The following SEMA3A variants were observed in gnomAD, a reference collection of about 807,000 sequenced individuals.
The protein encoded by SEMA3A is semaphorin-3A.
In SEMA3A, 29 loss-of-function variants were observed where a neutral mutation model predicts 97.9. The ratio of observed to expected loss-of-function variants is 0.30; its 90% CI spans 0.22 to 0.40. The LOEUF (loss-of-function observed/expected upper bound fraction) is 0.40. SEMA3A is among the 10% of genes least tolerant of loss of function. The probability of loss-of-function intolerance (pLI) is 1.00; values close to 1 mark genes in which losing one functional copy is unlikely to be tolerated. For missense variants in SEMA3A, 763 were observed against 951.3 expected (o/e 0.80, Z 2.60); for synonymous variants, 321 against 323.7 (o/e 0.99, Z 0.09).
chr7:84,111,113 C>T (rs1795264941), intron 3 of SEMA3A, among the ~76,000 whole-genome samples: 1 of 152,164 alleles, frequency 6.6e-6, no homozygotes, highest in African/African-American at 2.4e-5. Flanking sequence ...TGAGTATTCA[C>T]ATGGTAAATA....
intron 1 of SEMA3A, among the ~76,000 whole-genome samples, chr7:84,428,736 A>G (rs968228723): frequency 6.6e-6 from 1 of 152,094 alleles, no homozygotes; most frequent in Admixed American, 6.6e-5. Flanking sequence ...TTTATCAGTA[A>G]AAAGAAAAAC....
At chr7:84,220,658 C>A (rs537025686) in intron 3 of SEMA3A, among the ~76,000 whole-genome samples, 2 of 152,238 alleles carry the variant, frequency 1.3e-5, no homozygotes, top group South Asian at 4.1e-4. Context: ...TCCATCAAAG[C>A]TGTTGGGTAA....
At chr7:84,142,170 T>C (rs1796315629) in intron 1 of SEMA3A, among the ~76,000 whole-genome samples, 2 of 152,222 alleles carry the variant, frequency 1.3e-5, no homozygotes, top group South Asian at 4.1e-4. Flanking sequence ...AATCTAATTT[T>C]ATGATTCAGA....
chr7:84,165,375 A>T (rs909955001), intron 1 of SEMA3A, among the ~76,000 whole-genome samples: 1 of 152,192 alleles, frequency 6.6e-6, no homozygotes, highest in Non-Finnish European at 1.5e-5. Flanking sequence ...AAAAATCATT[A>T]TAACTATGTA....
At chr7:84,485,793 G>A (rs900178985) in intron 1 of SEMA3A, among the ~76,000 whole-genome samples, 7 of 152,278 alleles carry the variant, frequency 4.6e-5, no homozygotes, top group Admixed American at 2.6e-4. Flanking sequence ...GTTTAGTATT[G>A]TAGGGCTTAC....
At chr7:84,182,297 T>C (rs1166974339) in intron 1 of SEMA3A, among the ~76,000 whole-genome samples, 1 of 152,144 alleles carries the variant, frequency 6.6e-6, no homozygotes. Flanking sequence ...CAATACTCCT[T>C]AAGTTGTCAT....
chr7:84,237,267 G>A (rs2116370813), intron 3 of SEMA3A, among the ~76,000 whole-genome samples: 1 of 152,226 alleles, frequency 6.6e-6, no homozygotes, highest in Middle Eastern at 3.4e-3. Context: ...AGCAACCACA[G>A]TCTAACTTAT....
chr7:84,000,313 G>C (rs558739005), intron 12 of SEMA3A, among the ~76,000 whole-genome samples: 6 of 152,006 alleles, frequency 3.9e-5, no homozygotes, highest in Non-Finnish European at 8.8e-5. Context: ...TGATAAATTA[G>C]ATCACATTGA....
chr7:84,183,678 A>T (rs1797795621), intron 1 of SEMA3A, among the ~76,000 whole-genome samples: 1 of 152,216 alleles, frequency 6.6e-6, no homozygotes, highest in African/African-American at 2.4e-5. Flanking sequence ...ATATTTTTAA[A>T]TTTAATATAT....
chr7:84,143,950 AAC>A (rs796470836), intron 1 of SEMA3A, among the ~76,000 whole-genome samples: 16,412 of 94,430 alleles, frequency 0.17, 998 homozygotes, highest in Non-Finnish European at 0.21. Flanking sequence ...CTCTCTCTCT[AAC>A]ACACACACAC....
At chr7:84,307,810 T>C (rs1801198367) in intron 2 of SEMA3A, among the ~76,000 whole-genome samples, 2 of 152,126 alleles carry the variant, frequency 1.3e-5, no homozygotes, top group Non-Finnish European at 1.5e-5. Flanking sequence ...TTAAAGTAAA[T>C]AGAAATTTTA....
In SEMA3A at chr7:84,007,500, G is replaced by A; in HGVS notation, c.996-3C>T. 1 of 1,530,788 alleles carries A rather than the reference G, an allele frequency of 6.5e-7. No individual in the cohort carries two copies. The highest frequency in any genetic ancestry group is 2.0e-5 in the Admixed American group (1 of 50,468). The allele number at this position is 1,530,788 out of a possible 1,614,324, so 94.8% of individuals were successfully genotyped here. On this transcript the variant is annotated splice_polypyrimidine_tract_variant and splice_region_variant and intron_variant, in intron 9 of 16. Coordinates refer to ENST00000265362, the MANE Select transcript of SEMA3A (RefSeq NM_006080.3). ...CGGCTGATCCCTTGAAAATGTTACT[G>A]AACAAGACAGCAAGAATAAAAACAG...
chr7:84,080,967 T>C (rs1794130439), intron 4 of SEMA3A, among the ~76,000 whole-genome samples: 1 of 152,030 alleles, frequency 6.6e-6, no homozygotes, highest in Non-Finnish European at 1.5e-5. Context: ...TACAAAAATA[T>C]GAAAATAGTA....
intron 1 of SEMA3A, among the ~76,000 whole-genome samples, chr7:84,424,522 GTTATATATA>G (rs1804700217): frequency 1.4e-5 from 1 of 69,476 alleles, no homozygotes; most frequent in Non-Finnish European, 2.6e-5. Flanking sequence ...ATTAATATAT[GTTATATATA>G]ATATATAAAT....
intron 5 of SEMA3A, 140 bp from the exon 6 acceptor site, chr7:84,046,583 GTTAC>G (rs1792362132): frequency 1.1e-6 from 1 of 877,704 alleles, no homozygotes; most frequent in South Asian, 1.7e-5. Flanking sequence ...TCATTATGCA[GTTAC>G]TTATTTTTTA....
intron 15 of SEMA3A, among the ~76,000 whole-genome samples, chr7:83,970,070 G>C (rs1454986032): frequency 6.6e-6 from 1 of 152,106 alleles, no homozygotes; most frequent in Admixed American, 6.6e-5. Flanking sequence ...TTCCCCACGG[G>C]TTCAACCATC....
At chr7:84,334,480 C>A (rs1383613336) in intron 2 of SEMA3A, among the ~76,000 whole-genome samples, 1 of 151,980 alleles carries the variant, frequency 6.6e-6, no homozygotes, top group Non-Finnish European at 1.5e-5. Flanking sequence ...AAACTAATGG[C>A]TTGTAATAAA....
At chr7:84,176,622 C>T (rs1012913782) in intron 1 of SEMA3A, among the ~76,000 whole-genome samples, 2 of 152,128 alleles carry the variant, frequency 1.3e-5, no homozygotes, top group Non-Finnish European at 2.9e-5. Flanking sequence ...ACATCTAAAA[C>T]TTGAGTGGTG....
At chr7:84,399,707 GTTTAGCA>G (rs1803846060) in intron 1 of SEMA3A, among the ~76,000 whole-genome samples, 1 of 152,188 alleles carries the variant, frequency 6.6e-6, no homozygotes, top group Non-Finnish European at 1.5e-5. Flanking sequence ...GATGGACCAA[GTTTAGCA>G]GGACTCACCA....
Sources: gnomAD v4.1 joint callset for allele counts (sites outside exome capture counted in the v4.1 genomes callset) on GRCh38, gnomAD v4.1.1 for gene constraint, MANE v1.5 for transcripts, NCBI Gene and HGNC (gene_info 2026-07-23, HGNC 2026-07-21) for gene names.